Variants in SCEL observed in about 807,000 individuals in gnomAD.
SCEL encodes the protein sciellin.
Under a neutral mutation model 117.6 loss-of-function variants are expected in SCEL, and 113 were observed. The observed-to-expected ratio is 0.96, with a 90% CI of 0.83 to 1.12. The LOEUF is 1.12. SCEL is among the 50% of genes most tolerant of loss of function. SCEL has a pLI of 0.00. For missense variants in SCEL, 785 were observed against 810.8 expected, an observed-to-expected ratio of 0.97 and a Z score of 0.39; for synonymous variants, 270 against 256.2, an observed-to-expected ratio of 1.05 and a Z score of -0.51.
At chr13:77,635,196 T>G (rs1364988704) in intron 29 of SCEL, among the ~76,000 whole-genome samples, 1 of 152,178 alleles carries the variant, frequency 6.6e-6, no homozygotes, top group Non-Finnish European at 1.5e-5. Flanking sequence ...AAAAAAGGTT[T>G]CTCAAACCCA....
chr13:77,628,694 C>T (rs1401792145), intron 28 of SCEL, among the ~76,000 whole-genome samples: 6 of 152,000 alleles, frequency 3.9e-5, no homozygotes, highest in Middle Eastern at 3.2e-3. Context: ...GTGCAGTTAC[C>T]TTTTCTATTA....
intron 10 of SCEL, among the ~76,000 whole-genome samples, chr13:77,589,680 T>C (rs1438549465): frequency 6.6e-6 from 1 of 152,212 alleles, no homozygotes; most frequent in Non-Finnish European, 1.5e-5. Flanking sequence ...GTGTTACCAC[T>C]CAAATCCTTG....
rs533714511 is a variant in SCEL, at chr13:77,604,365, C to T, written c.1107C>T (p.Asp369=). The part of the protein sequence containing the change: ...KGHENTTGKK[D]LDGLIKVDPE... ...ATTTCCTTTTTCAAAGAAAAAAAGA[C>T]CTTGATGGGCTTATTAAAGTGGATC... is the stretch of plus-strand genomic sequence containing the variant. Residue 369 remains aspartate (D), a synonymous_variant, in exon 19 of 33, where the codon GAC becomes GAT. Transcript: ENST00000349847. 6.4e-7 allele frequency: 1 copy of T among 1,568,838 alleles called. No individual in the cohort carries two copies. Among genetic ancestry groups the T allele is most frequent in the Non-Finnish European group, 8.6e-7 (1 of 1,163,224 alleles).
chr13:77,544,155 T>G (rs1361096642), intron 1 of SCEL, among the ~76,000 whole-genome samples: 1 of 152,200 alleles, frequency 6.6e-6, no homozygotes, highest in Non-Finnish European at 1.5e-5. Context: ...TAGTTATTAT[T>G]ATTGTAGGAC....
Position 77,644,303 on chromosome 13 carries a change from G to T in SCEL, c.*29G>T. On this transcript the variant is annotated 3_prime_UTR_variant, in exon 33 of 33. Coordinates refer to ENST00000349847, the MANE Select transcript of SCEL (RefSeq NM_144777.3). ...TGGCACAAGGAAATCAAGATGAAAAGCACTCATTAAGGAATTAAAGTTACA... is the reference window on the plus strand; with the variant it reads ...TGGCACAAGGAAATCAAGATGAAAATCACTCATTAAGGAATTAAAGTTACA... 1 of 1,610,302 alleles carries T rather than the reference G, an allele frequency of 6.2e-7. No homozygotes were observed. The highest frequency in any genetic ancestry group is 8.5e-7 in the Non-Finnish European group (1 of 1,176,880).
intron 13 of SCEL, among the ~76,000 whole-genome samples, chr13:77,598,694 C>T (rs535400327): frequency 7.2e-5 from 11 of 152,104 alleles, no homozygotes; most frequent in South Asian, 6.2e-4. Context: ...TTTGTTCATT[C>T]GTTTTAGAGA....
intron 9 of SCEL, among the ~76,000 whole-genome samples, chr13:77,579,521 C>T (rs942259323): frequency 4.6e-5 from 7 of 152,186 alleles, no homozygotes; most frequent in African/African-American, 1.7e-4. Flanking sequence ...GTCTCTGTCT[C>T]TTTCTTTTTC....
At chr13:77,639,799 C>G (rs529187117) in intron 30 of SCEL, among the ~76,000 whole-genome samples, 2 of 152,106 alleles carry the variant, frequency 1.3e-5, no homozygotes, top group East Asian at 3.9e-4. Flanking sequence ...AATTTCACTA[C>G]CCCATTACAT....
Position 77,612,924 on chromosome 13 carries a change from C to A in SCEL, c.1371C>A (p.Ile457=). 1 of 1,560,250 alleles carries A rather than the reference C, an allele frequency of 6.4e-7. No individual in the cohort carries two copies. The highest frequency in any genetic ancestry group is 1.2e-5 in the South Asian group (1 of 81,466). ...NQDLENLIKV[I]PSANKSSEQG... ...ACTTGGAAAATCTTATCAAAGTGAT[C>A]CCTTCAGCAAACAAAAGGTAAACTT... Residue 457 remains isoleucine (I), a synonymous_variant, in exon 23 of 33, where the codon ATC becomes ATA. Transcript: ENST00000349847.
In SCEL at chr13:77,613,322, G is replaced by A. The variant is rs144996612; in HGVS notation, c.1388+381G>A. Among the ~76,000 whole-genome samples, 6 of 152,202 alleles carry A rather than the reference G, an allele frequency of 3.9e-5. No homozygotes were observed. The East Asian group carries it at 1.2e-3, about 29-fold the overall frequency. On this transcript the variant is annotated intron_variant, in intron 23 of 32. Transcript: ENST00000349847. ...ACAGGGATTAATATTTAAATGACTTGTGAAAAAACTGACAACATAATATTC... is the reference window on the plus strand; with the variant it reads ...ACAGGGATTAATATTTAAATGACTTATGAAAAAACTGACAACATAATATTC...
At chr13:77,628,546 G>A (rs2089879757) in intron 28 of SCEL, among the ~76,000 whole-genome samples, 1 of 152,086 alleles carries the variant, frequency 6.6e-6, no homozygotes, top group African/African-American at 2.4e-5. Flanking sequence ...TACAAGAAAG[G>A]TTAGGACAGG....
At chr13:77,617,301 T>G (rs7338607) in intron 24 of SCEL, among the ~76,000 whole-genome samples, 6 of 152,162 alleles carry the variant, frequency 3.9e-5, no homozygotes, top group African/African-American at 1.4e-4. Flanking sequence ...GCTGGTATCT[T>G]CATAATGTTA....
At chr13:77,628,170 G>GTGTATATATATATATATATATA (rs10700333) in intron 28 of SCEL, among the ~76,000 whole-genome samples, 161 bp downstream of exon 28, 8 of 139,738 alleles carry the variant, frequency 5.7e-5, no homozygotes, top group South Asian at 4.5e-4. Context: ...ATATGTGTGT[G>GTGTATATATATATATATATATA]TATATATATA....
rs756215124 is a variant in SCEL at position 77,608,151 on chromosome 13, C to T, written c.1217+36C>T. ...TGTCTTACCTCTCTTCCTTCCCCTTCCCCATCCATTTGTGGCACTCAGGAA... is the reference window on the plus strand; with the variant it reads ...TGTCTTACCTCTCTTCCTTCCCCTTTCCCATCCATTTGTGGCACTCAGGAA... On this transcript the variant is annotated intron_variant, in intron 20 of 32. Transcript: ENST00000349847. 10 of 1,507,788 alleles carry T rather than the reference C, an allele frequency of 6.6e-6. No individual in the cohort carries two copies. In the African/African-American group the frequency reaches 6.9e-5, roughly 10 times the overall value. 93.4% of individuals were successfully genotyped at this position (1,507,788 alleles called of 1,614,324 possible).
intron 8 of SCEL, among the ~76,000 whole-genome samples, chr13:77,569,717 C>T (rs1338790998): frequency 2.0e-5 from 3 of 152,192 alleles, no homozygotes. Context: ...TGGAGTCCTG[C>T]TGCTGGGAAT....
At position 77,603,117 on chromosome 13, in the gene SCEL, G is replaced by A. The variant is rs939775318; in HGVS notation, c.1079G>A (p.Gly360Glu). Residue 360 changes from glycine to glutamate, a missense_variant, in exon 18 of 33, where the codon GGA becomes GAA. Physicochemically the swap from Gly to Glu is moderately conservative, Grantham distance 98. Transcript: ENST00000349847. The part of the protein sequence containing the change: ...LDNATEVNPK[G>E]HENTTGKKDL... The stretch of plus-strand genomic sequence containing the variant: ...AATGCTACTGAAGTAAATCCCAAAG[G>A]ACATGAAAATACCACTGGGTAAAAA... The A allele has an allele frequency of 3.2e-6, 5 of 1,563,674 alleles. No individual in the cohort carries two copies. Among genetic ancestry groups the A allele is most frequent in the African/African-American group, 1.4e-5 (1 of 73,008 alleles).
intron 5 of SCEL, among the ~76,000 whole-genome samples, chr13:77,565,405 A>G (rs976958180): frequency 2.0e-5 from 3 of 152,130 alleles, no homozygotes; most frequent in African/African-American, 7.2e-5. Context: ...CAAGCCCTTC[A>G]TTTTATACCC....
At chr13:77,563,719 A>G (rs1336013860) in intron 4 of SCEL, 112 bp from the exon 5 acceptor site, 8 of 696,544 alleles carry the variant, frequency 1.1e-5, no homozygotes, top group Non-Finnish European at 1.6e-5. Context: ...GGTAACATGT[A>G]TATTTCCTAC....
chr13:77,558,840 A>AAG (rs1491472690), intron 3 of SCEL, among the ~76,000 whole-genome samples: 4 of 147,016 alleles, frequency 2.7e-5, no homozygotes, highest in Non-Finnish European at 6.0e-5. Context: ...AAAAAAAAAA[A>AAG]GGTACCAGAG....
Sources: allele counts gnomAD v4.1 joint callset (sites outside exome capture counted in the v4.1 genomes callset), GRCh38; gene constraint gnomAD v4.1.1; transcripts MANE v1.5; gene names NCBI Gene and HGNC (gene_info 2026-07-23, HGNC 2026-07-21).